IMMP2L: variants seen among roughly 807,000 people sequenced by gnomAD.
IMMP2L encodes mitochondrial inner membrane protease subunit 2.
A neutral mutation model predicts 19.3 loss-of-function variants in IMMP2L; 18 were observed. That is an observed-to-expected ratio of 0.93 (90% confidence interval 0.64 to 1.38). The LOEUF (loss-of-function observed/expected upper bound fraction) is 1.38, where lower values mean the gene tolerates loss of function less well. Ranked by LOEUF, IMMP2L falls within the 40% of genes most tolerant of loss-of-function variation. The pLI, the probability that IMMP2L is intolerant of heterozygous loss-of-function variation, is 0.00. For synonymous variants in IMMP2L, 76 were observed against 73.0 expected (o/e 1.04, Z -0.21); for missense variants, 233 against 218.2 (o/e 1.07, Z -0.43).
chr7:111,117,703 G>T (rs1406707485), intron 3 of IMMP2L, among the ~76,000 whole-genome samples: 2 of 152,006 alleles, frequency 1.3e-5, no homozygotes, highest in Non-Finnish European at 2.9e-5. Flanking sequence ...TACAACAAGG[G>T]AATATGAAGT....
intron 4 of IMMP2L, among the ~76,000 whole-genome samples, chr7:110,919,009 A>T (rs1563080668): frequency 6.6e-6 from 1 of 152,152 alleles, no homozygotes; most frequent in Non-Finnish European, 1.5e-5. Context: ...TAGAGTGAAC[A>T]CCAATAAAAT....
Position 110,991,171 on chromosome 7 carries a change from A to C in IMMP2L, c.240-27606T>G, listed in dbSNP as rs570282259. On this transcript the variant is annotated intron_variant, in intron 3 of 5. Transcript: ENST00000405709. ...TAATAAATGATAATGCTCTGAACAT[A>C]CAAGAAAATATTATAGCCTTGACAA... Among the ~76,000 whole-genome samples the C allele has an allele frequency of 6.6e-5, 10 of 152,298 alleles. No homozygotes were observed. The South Asian group carries it at 2.1e-3, about 32-fold the overall frequency.
chr7:111,188,385 T>C lies in IMMP2L; in HGVS notation c.240-224820A>G, dbSNP rs574270098. Among the ~76,000 whole-genome samples the C allele has an allele frequency of 9.2e-5, 14 of 152,192 alleles. 1 individual carries two copies. The South Asian group carries it at 2.9e-3, about 32-fold the overall frequency. ...GTTCTGGTGAGGGCTCTCTTCCAGT[T>C]TGCAGACTGACCTCTTCTCATTGTT... On this transcript the variant is annotated intron_variant, in intron 3 of 5. Coordinates refer to ENST00000405709, the MANE Select transcript of IMMP2L (RefSeq NM_032549.4).
intron 3 of IMMP2L, among the ~76,000 whole-genome samples, chr7:111,465,608 A>T (rs1840573206): frequency 6.6e-6 from 1 of 152,032 alleles, no homozygotes; most frequent in South Asian, 2.1e-4. Flanking sequence ...AGAAATGCAA[A>T]TCAAAACCAC....
intron 3 of IMMP2L, among the ~76,000 whole-genome samples, chr7:111,280,377 T>A (rs1413281577): frequency 6.6e-6 from 1 of 152,118 alleles, no homozygotes; most frequent in Non-Finnish European, 1.5e-5. Flanking sequence ...CTACCTAAGG[T>A]GGTCTCTTAA....
At chr7:111,309,835 C>A (rs2130245900) in intron 3 of IMMP2L, among the ~76,000 whole-genome samples, 1 of 152,242 alleles carries the variant, frequency 6.6e-6, no homozygotes, top group East Asian at 1.9e-4. Context: ...CATCCCATTA[C>A]TATTACTATT....
rs181346601 is a variant in IMMP2L at position 111,343,973 on chromosome 7, G to A, written c.239+143265C>T. Among the ~76,000 whole-genome samples the A allele has an allele frequency of 1.7e-3, 264 of 152,048 alleles. 2 individuals carry two copies. The highest frequency in any genetic ancestry group is 6.8e-3 in the Middle Eastern group (2 of 294). On this transcript the variant is annotated intron_variant, in intron 3 of 5. Transcript: ENST00000405709. ...CGCTATTTCCCATACAACCCAAAAAGTCTCGGTATGAACCTGCAAAGGGAT... is the reference window on the plus strand; with the variant it reads ...CGCTATTTCCCATACAACCCAAAAAATCTCGGTATGAACCTGCAAAGGGAT...
At chr7:111,302,728 G>A (rs2130038217) in intron 3 of IMMP2L, among the ~76,000 whole-genome samples, 1 of 152,196 alleles carries the variant, frequency 6.6e-6, no homozygotes, top group Non-Finnish European at 1.5e-5. Flanking sequence ...TGGAGATTAT[G>A]ACAATTACCA....
intron 1 of IMMP2L, among the ~76,000 whole-genome samples, chr7:111,547,021 T>C (rs942876310): frequency 6.6e-6 from 1 of 152,144 alleles, no homozygotes; most frequent in African/African-American, 2.4e-5. Flanking sequence ...CCAGGTAGGA[T>C]AGGTCTTTTA....
chr7:110,698,361 C>G (rs544520844), intron 5 of IMMP2L, among the ~76,000 whole-genome samples: 1 of 152,246 alleles, frequency 6.6e-6, no homozygotes, highest in East Asian at 1.9e-4. Context: ...TCTCAGTATA[C>G]AATGTAATTT....
At chr7:111,266,031 T>C (rs1365017029) in intron 3 of IMMP2L, among the ~76,000 whole-genome samples, 3 of 152,142 alleles carry the variant, frequency 2.0e-5, no homozygotes, top group South Asian at 4.1e-4. Context: ...ATTTTTGAAA[T>C]AGCACTTACC....
intron 5 of IMMP2L, among the ~76,000 whole-genome samples, chr7:110,796,960 G>A (rs1264799095): frequency 6.6e-6 from 1 of 151,970 alleles, no homozygotes; most frequent in Non-Finnish European, 1.5e-5. Context: ...TTCATTGTAA[G>A]CCTCTGGTTT....
chr7:111,040,281 A>T (rs1056541166), intron 3 of IMMP2L, among the ~76,000 whole-genome samples: 1 of 152,216 alleles, frequency 6.6e-6, no homozygotes, highest in Non-Finnish European at 1.5e-5. Flanking sequence ...CTATTAAATA[A>T]CTAAATTCTT....
intron 3 of IMMP2L, among the ~76,000 whole-genome samples, chr7:110,995,823 G>C (rs1771184866): frequency 6.6e-6 from 1 of 152,086 alleles, no homozygotes; most frequent in Admixed American, 6.6e-5. Flanking sequence ...CATGTGTATA[G>C]TTTCTATCTA....
At chr7:111,316,855 T>C (rs1046326105) in intron 3 of IMMP2L, among the ~76,000 whole-genome samples, 9 of 137,762 alleles carry the variant, frequency 6.5e-5, no homozygotes, top group South Asian at 5.2e-4. Context: ...CTTTTTTTTT[T>C]TTTTTTTTTT....
intron 3 of IMMP2L, among the ~76,000 whole-genome samples, chr7:111,310,179 G>A (rs1220051107): frequency 6.7e-6 from 1 of 149,936 alleles, no homozygotes; most frequent in Non-Finnish European, 1.5e-5. Flanking sequence ...AGGTTGCAGT[G>A]AGTCGAGATC....
intron 2 of IMMP2L, among the ~76,000 whole-genome samples, chr7:111,502,498 C>T (rs1844392878): frequency 6.6e-6 from 1 of 152,110 alleles, no homozygotes; most frequent in South Asian, 2.1e-4. Context: ...ACTCTCCACC[C>T]CAAATCAACA....
At chr7:111,407,834 AAAAT>A (rs1296801896) in intron 3 of IMMP2L, among the ~76,000 whole-genome samples, 1 of 152,092 alleles carries the variant, frequency 6.6e-6, no homozygotes, top group African/African-American at 2.4e-5. Context: ...ATAAAAAAGA[AAAAT>A]AAATATTACT....
chr7:111,129,601 G>A (rs1234634091), intron 3 of IMMP2L, among the ~76,000 whole-genome samples: 3 of 151,986 alleles, frequency 2.0e-5, no homozygotes, highest in Non-Finnish European at 4.4e-5. Flanking sequence ...CTAGGTCGTT[G>A]CTTGGGAGAA....
Sources: allele counts gnomAD v4.1 joint callset (sites outside exome capture counted in the v4.1 genomes callset), GRCh38; gene constraint gnomAD v4.1.1; transcripts MANE v1.5; gene names NCBI Gene and HGNC (gene_info 2026-07-23, HGNC 2026-07-21).